The following POLA2 variants were observed in gnomAD, a reference collection of about 807,000 sequenced individuals.
POLA2 encodes DNA polymerase alpha 2, accessory subunit, also known as DNA polymerase alpha subunit B.
POLA2 carries 47 observed loss-of-function variants against 82.8 expected under a neutral mutation model. That is an observed-to-expected ratio of 0.57 (90% CI 0.45 to 0.72). The LOEUF (loss-of-function observed/expected upper bound fraction) is 0.72. Ranked by LOEUF, POLA2 falls within the 30% of genes least tolerant of loss-of-function variation. POLA2 has a pLI of 0.00. For missense variants in POLA2, 634 were observed against 728.1 expected, an observed-to-expected ratio of 0.87 and a Z score of 1.49; for synonymous variants, 287 against 286.8, an observed-to-expected ratio of 1.00 and a Z score of -0.01.
chr11:65,269,222 C>G (rs1209940998), intron 4 of POLA2, among the ~76,000 whole-genome samples: 2 of 152,192 alleles, frequency 1.3e-5, no homozygotes, highest in Admixed American at 1.3e-4. Context: ...GTGGCTCATG[C>G]CTGTAATCCC....
At position 65,262,423 on chromosome 11, in the gene POLA2, A is replaced by C. The variant is rs748963678; in HGVS notation, c.79+52A>C. 29 of 1,486,942 alleles carry C rather than the reference A, an allele frequency of 2.0e-5. No individual in the cohort carries two copies. In the South Asian group the frequency reaches 2.9e-4, roughly 15 times the overall value. 92.1% of individuals were successfully genotyped at this position (1,486,942 alleles called of 1,614,324 possible). On this transcript the variant is annotated intron_variant, in intron 1 of 17. Transcript: ENST00000265465. The stretch of plus-strand genomic sequence containing the variant: ...CAGCCGTGCTCCACGCTCTCGCCCG[A>C]GTTCCTCGGCGCCTAGAACCGAAAG...
chr11:65,287,687 C>G (rs765333712), intron 10 of POLA2, 29 bp from the exon 11 acceptor site: 1 of 1,599,158 alleles, frequency 6.3e-7, no homozygotes, highest in Non-Finnish European at 8.5e-7. Flanking sequence ...TAGTCCTCTT[C>G]TAATCAAGAC....
intron 4 of POLA2, among the ~76,000 whole-genome samples, chr11:65,275,470 A>G (rs1858783): frequency 0.22 from 33,977 of 151,898 alleles, 5,170 homozygotes; most frequent in African/African-American, 0.43. Context: ...TTGAAAATGT[A>G]TGGTAGACTT....
intron 4 of POLA2, among the ~76,000 whole-genome samples, chr11:65,274,431 G>C (rs1022309692): frequency 1.3e-5 from 2 of 151,714 alleles, no homozygotes; most frequent in South Asian, 2.1e-4. Flanking sequence ...TGTAATTCCA[G>C]CATTTTGGGA....
intron 13 of POLA2, among the ~76,000 whole-genome samples, chr11:65,290,207 C>T (rs11826426): frequency 0.031 from 4,569 of 145,770 alleles, 222 homozygotes; most frequent in African/African-American, 0.11. Flanking sequence ...AAGATCGTGC[C>T]GTTGCACTCC....
chr11:65,287,785 C>T lies in POLA2; in HGVS notation c.1076C>T (p.Pro359Leu). Reference protein sequence around the residue: ...YTTSDSITYDPLLDLIAVINH... With the variant: ...YTTSDSITYDLLLDLIAVINH... ...ACATCTGACAGCATCACGTATGACC[C>T]CCTGCTTGACCTGATTGCTGTCATC... The change falls in exon 11 of 18, where the codon CCC becomes CTC. Residue 359 changes from proline (P) to leucine (L), a missense_variant. Physicochemically the swap from Pro to Leu is moderately conservative, Grantham distance 98 (BLOSUM62 -3). Coordinates refer to ENST00000265465, the MANE Select transcript of POLA2 (RefSeq NM_002689.4). The T allele has an allele frequency of 6.2e-7, 1 of 1,613,810 alleles. No individual in the cohort carries two copies. Among genetic ancestry groups the T allele is most frequent in the Non-Finnish European group, 8.5e-7 (1 of 1,179,888 alleles).
chr11:65,302,512 G>A (rs1006173802), downstream of POLA2, among the ~76,000 whole-genome samples: 6 of 152,108 alleles, frequency 3.9e-5, no homozygotes, highest in East Asian at 1.9e-4. Flanking sequence ...GATTCCCAGC[G>A]AATAGGGGGA....
chr11:65,268,806 G>T, intron 4 of POLA2, 77 bp downstream of exon 4: 2 of 966,570 alleles, frequency 2.1e-6, no homozygotes, highest in South Asian at 1.7e-5. Context: ...AAGATCTGAG[G>T]GAAAAAATCA....
At chr11:65,296,781 T>G (rs969830396) in intron 17 of POLA2, among the ~76,000 whole-genome samples, 39 of 151,958 alleles carry the variant, frequency 2.6e-4, no homozygotes, top group African/African-American at 8.7e-4. Flanking sequence ...ACCCCATCTC[T>G]ACTAAAAATA....
At chr11:65,292,512 G>T (rs1293422478) in intron 13 of POLA2, among the ~76,000 whole-genome samples, 1 of 152,198 alleles carries the variant, frequency 6.6e-6, no homozygotes, top group Non-Finnish European at 1.5e-5. Context: ...CTGCACCTCA[G>T]TCCTTTGTGT....
intron 10 of POLA2, among the ~76,000 whole-genome samples, chr11:65,283,969 A>C (rs190340759): frequency 0.011 from 1,524 of 138,218 alleles, 26 homozygotes; most frequent in African/African-American, 0.04. Context: ...CTGTCTCTAC[A>C]AAAAAAAAAA....
chr11:65,290,682 A>C (rs1379843966), intron 13 of POLA2, among the ~76,000 whole-genome samples: 1 of 151,984 alleles, frequency 6.6e-6, no homozygotes, highest in African/African-American at 2.4e-5. Flanking sequence ...ATCGGCTCTC[A>C]CTCTTTGGTT....
chr11:65,267,517 G>T lies in POLA2; in HGVS notation c.245G>T (p.Cys82Phe). 6.2e-7 allele frequency: 1 copy of T among 1,612,502 alleles called. No individual in the cohort carries two copies. The highest frequency in any genetic ancestry group is 2.2e-5 in the East Asian group (1 of 44,812). Residue 82 changes from cysteine to phenylalanine, a missense_variant, in exon 3 of 18, where the codon TGC (cysteine) becomes TTC (phenylalanine). Transcript: ENST00000265465. ...KRLSKARHST[C>F]KDSGHAGARD... ...TTATCGAAAGCCAGGCATAGTACCT[G>T]CAAGGACAGTGGCCATGCAGGAGCT...
chr11:65,305,606 C>CGAG (rs1484637490), downstream of POLA2: 1 of 355,038 alleles, frequency 2.8e-6, no homozygotes, highest in Non-Finnish European at 5.5e-6. Flanking sequence ...CCCAGGAGGT[C>CGAG]GAGGCTGCAG....
chr11:65,276,288 C>G (rs975633835), intron 5 of POLA2, among the ~76,000 whole-genome samples: 4 of 152,134 alleles, frequency 2.6e-5, no homozygotes. Flanking sequence ...CCTGTCTATT[C>G]AGAAGTCTAA....
intron 1 of POLA2, among the ~76,000 whole-genome samples, chr11:65,265,238 A>AG (rs541916063): frequency 0.011 from 1,560 of 146,440 alleles, 16 homozygotes; most frequent in African/African-American, 0.031. Context: ...CAAAAAAAAA[A>AG]GGGGGGGGGC....
At chr11:65,294,503 G>T in intron 14 of POLA2, 43 bp from the exon 15 acceptor site, 1 of 1,534,442 alleles carries the variant, frequency 6.5e-7, no homozygotes, top group Non-Finnish European at 9.0e-7. Flanking sequence ...GATGTTTCTA[G>T]CTTTGGCATA....
chr11:65,272,287 C>T (rs1255101883), intron 4 of POLA2, among the ~76,000 whole-genome samples: 3 of 151,920 alleles, frequency 2.0e-5, no homozygotes, highest in South Asian at 4.2e-4. Context: ...TCAGCCTGGG[C>T]GAGAAAGTGA....
intron 8 of POLA2, among the ~76,000 whole-genome samples, chr11:65,304,169 G>A (rs971110276): frequency 1.3e-5 from 2 of 151,016 alleles, no homozygotes; most frequent in South Asian, 2.1e-4. Context: ...CCACCCATCC[G>A]TCCACCCATC....
Sources: gnomAD v4.1 joint callset for allele counts (sites outside exome capture counted in the v4.1 genomes callset) on GRCh38, gnomAD v4.1.1 for gene constraint, MANE v1.5 for transcripts, NCBI Gene and HGNC (gene_info 2026-07-23, HGNC 2026-07-21) for gene names.